The following PCDHA5 variants were observed in gnomAD, a reference collection of about 807,000 sequenced individuals.
The protein encoded by PCDHA5 is protocadherin alpha-5.
A neutral mutation model predicts 61.6 loss-of-function variants in PCDHA5; 43 were observed. The ratio of observed to expected loss-of-function variants is 0.70; its 90% CI spans 0.55 to 0.90. The LOEUF (loss-of-function observed/expected upper bound fraction) is 0.90, where lower values mean the gene tolerates loss of function less well. PCDHA5 is among the 40% of genes least tolerant of loss of function. The pLI, the probability that PCDHA5 is intolerant of heterozygous loss-of-function variation, is 0.00. For missense variants in PCDHA5, 1,298 were observed against 1,222.7 expected (o/e 1.06, Z -0.92); for synonymous variants, 627 against 543.9 (o/e 1.15, Z -2.13).
intron 1 of PCDHA5, among the ~76,000 whole-genome samples, chr5:140,839,745 C>T (rs1414249750): frequency 6.6e-6 from 1 of 151,938 alleles, no homozygotes; most frequent in Non-Finnish European, 1.5e-5. Flanking sequence ...CCCTTATTTG[C>T]CTTTCCTATT....
chr5:140,841,326 A>G (rs2150313603), intron 1 of PCDHA5: 2 of 1,607,682 alleles, frequency 1.2e-6, no homozygotes, highest in South Asian at 2.2e-5. Flanking sequence ...TTTAACATGG[A>G]TTATCACTGG....
In PCDHA5 at chr5:140,829,825, C is replaced by G. The variant is rs2150175451; in HGVS notation, c.2352+5698C>G. 1.2e-5 allele frequency: 19 copies of G among 1,613,864 alleles called. 1 individual carries two copies. In the South Asian group the frequency reaches 2.0e-4, roughly 17 times the overall value. ...TGGGTGGTACTGGTGGTGCAGTGAG[C>G]GAGCTGGTGCCGCGGTCACTGGGTG... On this transcript the variant is annotated intron_variant, in intron 1 of 3. Transcript: ENST00000529859.
At chr5:140,931,183 T>C (rs1225985669) in intron 1 of PCDHA5, among the ~76,000 whole-genome samples, 2 of 152,158 alleles carry the variant, frequency 1.3e-5, no homozygotes, top group Non-Finnish European at 2.9e-5. Context: ...GGGAAGGAAA[T>C]TGGTGCACTA....
At chr5:140,976,871 A>G (rs2096735171) in intron 1 of PCDHA5, among the ~76,000 whole-genome samples, 2 of 152,224 alleles carry the variant, frequency 1.3e-5, no homozygotes, top group Non-Finnish European at 2.9e-5. Flanking sequence ...TGTCTGACAA[A>G]GAAAGAATTA....
Position 140,982,613 on chromosome 5 carries a change from A to G in PCDHA5, c.2500+50A>G, listed in dbSNP as rs201150239. ...CTTTCTTGGTTTCTGGAAAGTGATC[A>G]GATGACCTACTTTTGTAAGATCAGG... On this transcript the variant is annotated intron_variant, in intron 3 of 3. Transcript: ENST00000529859. 2.7e-5 allele frequency: 43 copies of G among 1,599,298 alleles called. No individual in the cohort carries two copies. The Admixed American group carries it at 7.0e-4, about 26-fold the overall frequency.
Position 140,823,208 on chromosome 5 carries a change from C to A in PCDHA5, c.1433C>A (p.Ala478Glu), listed in dbSNP as rs1767602196. 6.2e-7 allele frequency: 1 copy of A among 1,613,840 alleles called. No individual in the cohort carries two copies. Among genetic ancestry groups the A allele is most frequent in the Non-Finnish European group, 8.5e-7 (1 of 1,179,826 alleles). Residue 478 changes from alanine to glutamate, a missense_variant, in exon 1 of 4, where the codon GCA becomes GAA. Coordinates refer to ENST00000529859, the MANE Select transcript of PCDHA5 (RefSeq NM_018908.3). ...GGCTGCCACATCTTCACGGTGTCTG[C>A]ACGGGACGCGGACGCGCAGGAGAAC... ...PPGCHIFTVS[A>E]RDADAQENAL...
At chr5:140,876,565 G>T (rs371696514) in intron 1 of PCDHA5, 1 of 1,614,182 alleles carries the variant, frequency 6.2e-7, no homozygotes, top group Non-Finnish European at 8.5e-7. Context: ...GGATGCTCAG[G>T]TGGGTACCGT....
At chr5:140,986,081 A>AT (rs2097186605) in intron 3 of PCDHA5, among the ~76,000 whole-genome samples, 1 of 152,010 alleles carries the variant, frequency 6.6e-6, no homozygotes, top group South Asian at 2.1e-4. Context: ...CTGTTCATTT[A>AT]TTTTCACAGT....
chr5:140,848,615 A>G, intron 1 of PCDHA5: 1 of 1,593,618 alleles, frequency 6.3e-7, no homozygotes, highest in East Asian at 2.2e-5. Flanking sequence ...AGGAAGCCGA[A>G]CACGGCACCT....
At chr5:140,830,044 G>A in intron 1 of PCDHA5, 1 of 1,613,812 alleles carries the variant, frequency 6.2e-7, no homozygotes, top group East Asian at 2.2e-5. Flanking sequence ...TGGTGCTGGT[G>A]AAAGACCACG....
chr5:140,837,977 C>G (rs1377931639), intron 1 of PCDHA5, among the ~76,000 whole-genome samples: 1 of 151,682 alleles, frequency 6.6e-6, no homozygotes, highest in Non-Finnish European at 1.5e-5. Flanking sequence ...CCACACCCAG[C>G]CTGCCTTTCA....
At chr5:140,883,126 G>T (rs781992873) in intron 1 of PCDHA5, 1 of 1,614,036 alleles carries the variant, frequency 6.2e-7, no homozygotes, top group Non-Finnish European at 8.5e-7. Context: ...GGCCTGTATG[G>T]CCTGCAGTGG....
At chr5:140,882,534 G>C in intron 1 of PCDHA5, 1 of 1,614,204 alleles carries the variant, frequency 6.2e-7, no homozygotes. Flanking sequence ...GTGAATTCTC[G>C]GATCGACCGC....
intron 1 of PCDHA5, among the ~76,000 whole-genome samples, chr5:140,894,640 C>T (rs1004479669): frequency 4.6e-5 from 7 of 151,788 alleles, no homozygotes; most frequent in Admixed American, 4.6e-4. Flanking sequence ...CATATCATTA[C>T]TGAGTCTCTC....
chr5:140,945,947 ACCCTGAAAG>A (rs1554217229), intron 1 of PCDHA5, among the ~76,000 whole-genome samples: 1 of 152,132 alleles, frequency 6.6e-6, no homozygotes, highest in Admixed American at 6.5e-5. Flanking sequence ...TTTTTATATG[ACCCTGAAAG>A]CACAGGCAAT....
At chr5:140,842,863 C>A (rs1431713195) in intron 1 of PCDHA5, 4 of 1,593,844 alleles carry the variant, frequency 2.5e-6, no homozygotes, top group African/African-American at 1.3e-5. Context: ...ACACGGAGAG[C>A]GGCAAGGTGT....
chr5:140,870,405 G>A (rs1226660080), intron 1 of PCDHA5: 1 of 1,614,248 alleles, frequency 6.2e-7, no homozygotes, highest in Non-Finnish European at 8.5e-7. Flanking sequence ...CGCCTTCTCT[G>A]TGGGCCACGG....
Position 140,908,881 on chromosome 5 carries a change from A to G in PCDHA5, c.2353-70068A>G, listed in dbSNP as rs77004912. Among the ~76,000 whole-genome samples, 1,225 of 152,366 alleles carry G rather than the reference A, an allele frequency of 8.0e-3. 6 individuals carry two copies. The highest frequency in any genetic ancestry group is 0.019 in the African/African-American group (790 of 41,588). Reference sequence around the variant, plus strand: ...AGGAATGTGTTGCCTCCAAAATCCAATAGTCCCAAATAAGCCTCTTTCGTG... The same window carrying G: ...AGGAATGTGTTGCCTCCAAAATCCAGTAGTCCCAAATAAGCCTCTTTCGTG... On this transcript the variant is annotated intron_variant, in intron 1 of 3. Transcript: ENST00000529859.
At chr5:140,830,446 G>A in intron 1 of PCDHA5, 2 of 1,603,094 alleles carry the variant, frequency 1.2e-6, no homozygotes, top group Non-Finnish European at 1.7e-6. Flanking sequence ...TGATGGGTAA[G>A]GCGGAGAATC....
Sources: allele counts gnomAD v4.1 joint callset (sites outside exome capture counted in the v4.1 genomes callset), GRCh38; gene constraint gnomAD v4.1.1; transcripts MANE v1.5; gene names NCBI Gene and HGNC (gene_info 2026-07-23, HGNC 2026-07-21).